Variants in CTNND2 observed in about 807,000 individuals in gnomAD.
CTNND2 encodes the protein catenin delta-2.
A neutral mutation model predicts 144.4 loss-of-function variants in CTNND2; 22 were observed. That is an observed-to-expected ratio of 0.15 (90% CI 0.11 to 0.22). The LOEUF (loss-of-function observed/expected upper bound fraction) is 0.22. Among genes scored for constraint, CTNND2 ranks in the 10% least tolerant of loss-of-function variants. CTNND2 has a pLI of 1.00. For missense variants in CTNND2, 1,353 were observed against 1,618.8 expected (o/e 0.84, Z 2.82); for synonymous variants, 751 against 695.6 (o/e 1.08, Z -1.25).
intron 3 of CTNND2, among the ~76,000 whole-genome samples, chr5:11,556,225 T>C (rs1776224736): frequency 6.6e-6 from 1 of 152,162 alleles, no homozygotes; most frequent in Non-Finnish European, 1.5e-5. Flanking sequence ...GGTAAGGATA[T>C]AAATTCCTAT....
intron 1 of CTNND2, among the ~76,000 whole-genome samples, chr5:11,738,131 T>A (rs1286410038): frequency 6.6e-6 from 1 of 152,148 alleles, no homozygotes; most frequent in East Asian, 1.9e-4. Context: ...CTAAAACGAA[T>A]CACAGGTCTC....
intron 12 of CTNND2, among the ~76,000 whole-genome samples, chr5:11,131,187 G>A (rs1162324232): frequency 6.6e-6 from 1 of 152,160 alleles, no homozygotes; most frequent in African/African-American, 2.4e-5. Flanking sequence ...CAGAACCTAA[G>A]CCTTAAAATG....
rs563941395 is a variant in CTNND2, at chr5:11,636,025, TC to T, written c.175-70970del. Among the ~76,000 whole-genome samples, 54 of 108,762 alleles carry T rather than the reference TC, an allele frequency of 5.0e-4. No individual in the cohort carries two copies. The East Asian group carries it at 6.5e-3, about 13-fold the overall frequency. The allele number at this position is 108,762 out of a possible 152,430, so 71.4% of individuals were successfully genotyped here. ...GGCCCTCCAAGCATCAATGGTTTAA[TC>T]CCCCCCCACCCCCGCCACACACACA... On this transcript the variant is annotated intron_variant, in intron 2 of 21. Transcript: ENST00000304623.
chr5:11,137,442 T>A (rs1015665462), intron 12 of CTNND2, among the ~76,000 whole-genome samples: 2 of 152,230 alleles, frequency 1.3e-5, no homozygotes, highest in African/African-American at 4.8e-5. Context: ...GTCCAGGAAT[T>A]TCCTTGTTTT....
intron 9 of CTNND2, among the ~76,000 whole-genome samples, chr5:11,277,680 T>A (rs1466217247): frequency 6.6e-6 from 1 of 151,938 alleles, no homozygotes; most frequent in African/African-American, 2.4e-5. Context: ...TACAGATGTG[T>A]GCCACCACAC....
At chr5:11,834,011 A>C (rs1794044731) in intron 1 of CTNND2, among the ~76,000 whole-genome samples, 1 of 152,182 alleles carries the variant, frequency 6.6e-6, no homozygotes, top group Non-Finnish European at 1.5e-5. Context: ...AAAAGGCCTA[A>C]GTCCACCAAA....
chr5:11,797,175 T>C (rs374693092), intron 1 of CTNND2, among the ~76,000 whole-genome samples: 3 of 152,192 alleles, frequency 2.0e-5, no homozygotes, highest in Admixed American at 6.5e-5. Flanking sequence ...ATAAAACAAC[T>C]AGGAAAAGAC....
intron 1 of CTNND2, among the ~76,000 whole-genome samples, chr5:11,793,215 C>T (rs951269770): frequency 1.2e-4 from 19 of 152,238 alleles, no homozygotes; most frequent in Admixed American, 3.3e-4. Context: ...TGGATCTTTC[C>T]GAGGCCCCAC....
chr5:11,262,756 T>C (rs1745011021), intron 9 of CTNND2, among the ~76,000 whole-genome samples: 2 of 43,648 alleles, frequency 4.6e-5, no homozygotes, highest in Admixed American at 3.2e-4. Context: ...AGTAAGACTC[T>C]GTCTCAAAAA....
At chr5:11,860,731 T>C (rs1463479616) in intron 1 of CTNND2, among the ~76,000 whole-genome samples, 1 of 152,186 alleles carries the variant, frequency 6.6e-6, no homozygotes, top group Non-Finnish European at 1.5e-5. Flanking sequence ...AGCAGTGACA[T>C]AATCTACCAC....
chr5:11,268,640 A>AAT lies in CTNND2; in HGVS notation c.1629-31819_1629-31818dup, dbSNP rs771853920. Among the ~76,000 whole-genome samples the AAT allele has an allele frequency of 2.4e-4, 37 of 152,100 alleles. 1 individual carries two copies. Among genetic ancestry groups the AAT allele is most frequent in the Admixed American group, 5.9e-4 (9 of 15,272 alleles). On this transcript the variant is annotated intron_variant, in intron 9 of 21. Coordinates refer to ENST00000304623, the MANE Select transcript of CTNND2 (RefSeq NM_001332.4). Reference sequence around the variant, plus strand: ...AAAATAACATAAAAATAACATAGCAAATATATATATAAAGTACTATCACAC... The same window carrying AAT: ...AAAATAACATAAAAATAACATAGCAAATATATATATATAAAGTACTATCACAC...
intron 3 of CTNND2, among the ~76,000 whole-genome samples, chr5:11,485,225 TG>T (rs1403168821): frequency 6.6e-6 from 1 of 152,092 alleles, no homozygotes; most frequent in Non-Finnish European, 1.5e-5. Context: ...GAATTGTTAT[TG>T]GAAGAGTGAA....
intron 1 of CTNND2, among the ~76,000 whole-genome samples, chr5:11,899,721 C>T (rs1295143700): frequency 6.6e-6 from 1 of 152,188 alleles, no homozygotes; most frequent in Non-Finnish European, 1.5e-5. Flanking sequence ...CATGCTCTTA[C>T]TCACTTTATC....
intron 3 of CTNND2, among the ~76,000 whole-genome samples, chr5:11,412,580 A>T (rs560465670): frequency 6.6e-6 from 1 of 152,300 alleles, no homozygotes; most frequent in East Asian, 1.9e-4. Flanking sequence ...CCACCAACTA[A>T]ATACACATTT....
At chr5:11,344,189 G>A (rs1754532944) in intron 9 of CTNND2, among the ~76,000 whole-genome samples, 2 of 152,240 alleles carry the variant, frequency 1.3e-5, no homozygotes, top group South Asian at 4.1e-4. Context: ...TGGATCACGA[G>A]GTCAGGAGAT....
chr5:11,641,600 GTA>G (rs1428480843), intron 2 of CTNND2, among the ~76,000 whole-genome samples: 39 of 139,390 alleles, frequency 2.8e-4, no homozygotes, highest in African/African-American at 1.3e-3. Context: ...ATACGTGTGT[GTA>G]TATACATATA....
chr5:11,723,059 G>T (rs1786775915), intron 2 of CTNND2, among the ~76,000 whole-genome samples: 1 of 151,736 alleles, frequency 6.6e-6, no homozygotes, highest in South Asian at 2.1e-4. Flanking sequence ...AGACTCTGGG[G>T]AACAGCATGC....
chr5:11,375,011 C>T (rs1183699995), intron 7 of CTNND2, among the ~76,000 whole-genome samples: 4 of 152,060 alleles, frequency 2.6e-5, no homozygotes, highest in East Asian at 3.9e-4. Context: ...TAGGATTAAA[C>T]ATGCAGTTGT....
chr5:11,141,304 T>A (rs1047604163), intron 12 of CTNND2, among the ~76,000 whole-genome samples: 3 of 152,200 alleles, frequency 2.0e-5, no homozygotes, highest in East Asian at 1.9e-4. Flanking sequence ...TTTTTTTTTT[T>A]AATTTTGTAA....
Sources: allele counts gnomAD v4.1 joint callset (sites outside exome capture counted in the v4.1 genomes callset), GRCh38; gene constraint gnomAD v4.1.1; transcripts MANE v1.5; gene names NCBI Gene and HGNC (gene_info 2026-07-23, HGNC 2026-07-21).